Variants in RNF7 observed in about 807,000 individuals in gnomAD.
The protein encoded by RNF7 is RING-box protein 2.
In RNF7, 9 loss-of-function variants were observed where a neutral mutation model predicts 17.0. The ratio of observed to expected loss-of-function variants is 0.53; its 90% CI spans 0.32 to 0.92. The LOEUF (loss-of-function observed/expected upper bound fraction) is 0.92. Ranked by LOEUF, RNF7 falls within the 40% of genes least tolerant of loss-of-function variation. RNF7 has a pLI of 0.04. For missense variants in RNF7, 87 were observed against 145.8 expected (o/e 0.60, Z 2.08); for synonymous variants, 59 against 50.5 (o/e 1.17, Z -0.72).
chr3:141,745,288 A>G lies in RNF7; in HGVS notation c.*11A>G. 4 of 1,579,178 alleles carry G rather than the reference A, an allele frequency of 2.5e-6. No homozygotes were observed. The highest frequency in any genetic ancestry group is 2.2e-5 in the East Asian group (1 of 44,610). Reference sequence around the variant, plus strand: ...AGAATCGGCAAATGAGAGTGGTTAGAAGGCTTCTTAGCGCAGTTGTTCAGA... The same window carrying G: ...AGAATCGGCAAATGAGAGTGGTTAGGAGGCTTCTTAGCGCAGTTGTTCAGA... On this transcript the variant is annotated 3_prime_UTR_variant, in exon 3 of 3. Coordinates refer to ENST00000273480, the MANE Select transcript of RNF7 (RefSeq NM_014245.5).
rs1000438092 is a variant in RNF7, at chr3:141,747,395, T to C, written c.*2118T>C. On this transcript the variant is annotated 3_prime_UTR_variant, in exon 3 of 3. Coordinates refer to ENST00000273480, the MANE Select transcript of RNF7 (RefSeq NM_014245.5). Reference sequence around the variant, plus strand: ...TGTTGCATTAGAAACAAACAAGTTATCTTTCGCTATTTAATTTTCCCTCTA... The same window carrying C: ...TGTTGCATTAGAAACAAACAAGTTACCTTTCGCTATTTAATTTTCCCTCTA... 1.3e-5 allele frequency: 2 copies of C among 152,248 alleles called. No individual in the cohort carries two copies. The highest frequency in any genetic ancestry group is 2.9e-5 in the Non-Finnish European group (2 of 68,052). 9.4% of individuals were successfully genotyped at this position (152,248 alleles called of 1,614,324 possible). A position where few individuals can be genotyped will look rare whatever the true frequency, so the allele number is the denominator to read the frequency against.
chr3:141,743,373 A>G, intron 1 of RNF7, 136 bp from the exon 2 acceptor site: 1 of 589,826 alleles, frequency 1.7e-6, no homozygotes, highest in East Asian at 2.8e-5. Context: ...TTAAGTAGTT[A>G]TGTTCAGATG....
chr3:141,742,501 C>G, intron 1 of RNF7: 1 of 623,664 alleles, frequency 1.6e-6, no homozygotes, highest in South Asian at 1.8e-5. Context: ...GCTGGGATTA[C>G]AGGCGAGCAT....
chr3:141,743,058 C>T (rs2084437445), intron 1 of RNF7: 2 of 284,390 alleles, frequency 7.0e-6, no homozygotes, highest in Non-Finnish European at 1.1e-5. Context: ...CAAACCCTCC[C>T]AGTAAACTTT....
intron 1 of RNF7, chr3:141,742,837 C>T (rs957969916): frequency 8.6e-7 from 1 of 1,168,246 alleles, no homozygotes; most frequent in African/African-American, 1.7e-5. Context: ...TTTAGAGGAA[C>T]TCTCAAGTGT....
chr3:141,746,653 ATG>A lies in RNF7; in HGVS notation c.*1377_*1378del, dbSNP rs1248399976. Reference sequence around the variant, plus strand: ...TTCTTCTGTAGTAGAGGCTACTGATATGAATTTAAGAAAAAACCTTAGAATCT... The same window carrying A: ...TTCTTCTGTAGTAGAGGCTACTGATAAATTTAAGAAAAAACCTTAGAATCT... On this transcript the variant is annotated 3_prime_UTR_variant, in exon 3 of 3. Coordinates refer to ENST00000273480, the MANE Select transcript of RNF7 (RefSeq NM_014245.5). 1.3e-5 allele frequency: 2 copies of A among 152,198 alleles called. No individual in the cohort carries two copies. The highest frequency in any genetic ancestry group is 4.8e-5 in the African/African-American group (2 of 41,426). The allele number at this position is 152,198 out of a possible 1,614,324, so 9.4% of individuals were successfully genotyped here.
Position 141,738,341 on chromosome 3 carries a change from C to T in RNF7, c.-1C>T. On this transcript the variant is annotated 5_prime_UTR_variant, in exon 1 of 3. Coordinates refer to ENST00000273480, the MANE Select transcript of RNF7 (RefSeq NM_014245.5). ...TCCGCCGTCGGCTCCGCGGCGCCGC[C>T]ATGGCCGACGTGGAAGACGGAGAGG... 6.4e-7 allele frequency: 1 copy of T among 1,565,522 alleles called. No individual in the cohort carries two copies. The highest frequency in any genetic ancestry group is 8.7e-7 in the Non-Finnish European group (1 of 1,155,482).
At position 141,746,050 on chromosome 3, in the gene RNF7, C is replaced by T. The variant is rs1403373757; in HGVS notation, c.*773C>T. 6.6e-6 allele frequency: 1 copy of T among 150,478 alleles called. No homozygotes were observed. The highest frequency in any genetic ancestry group is 2.5e-5 in the African/African-American group (1 of 40,680). 9.3% of individuals were successfully genotyped at this position (150,478 alleles called of 1,614,324 possible). ...GGAGTGCAGTGGCATGATGTCAACT[C>T]ACTGCAACCTCCGCCTCCCGGGTTC... On this transcript the variant is annotated 3_prime_UTR_variant, in exon 3 of 3. Coordinates refer to ENST00000273480, the MANE Select transcript of RNF7 (RefSeq NM_014245.5).
chr3:141,742,241 T>G (rs2084426285), intron 1 of RNF7, among the ~76,000 whole-genome samples: 1 of 149,806 alleles, frequency 6.7e-6, no homozygotes, highest in Admixed American at 6.6e-5. Flanking sequence ...TTTTTTTTTT[T>G]TTTGAGACGG....
At chr3:141,738,772 G>A (rs1031208596) in intron 1 of RNF7, among the ~76,000 whole-genome samples, 2 of 152,276 alleles carry the variant, frequency 1.3e-5, no homozygotes, top group Non-Finnish European at 2.9e-5. Flanking sequence ...TCTAGGGAGA[G>A]AGACGGGCAA....
intron 1 of RNF7, among the ~76,000 whole-genome samples, chr3:141,741,162 C>G (rs2107855581): frequency 6.6e-6 from 1 of 152,314 alleles, no homozygotes; most frequent in African/African-American, 2.4e-5. Flanking sequence ...CAGTTGGGAT[C>G]ACCAACCTTA....
chr3:141,743,339 G>A (rs1262025460), intron 1 of RNF7, among the ~76,000 whole-genome samples, 170 bp from the exon 2 acceptor site: 2 of 152,130 alleles, frequency 1.3e-5, no homozygotes, highest in Non-Finnish European at 1.5e-5. Flanking sequence ...ATAATTAGTA[G>A]AATGCCTTGT....
chr3:141,741,990 T>C (rs1046927589), intron 1 of RNF7, among the ~76,000 whole-genome samples: 1 of 151,916 alleles, frequency 6.6e-6, no homozygotes, highest in Non-Finnish European at 1.5e-5. Flanking sequence ...TTCTTTCTTT[T>C]TTTTTTTAAA....
intron 1 of RNF7, 98 bp downstream of exon 1, chr3:141,738,614 G>T (rs2084382622): frequency 2.3e-6 from 3 of 1,298,526 alleles, no homozygotes; most frequent in African/African-American, 3.1e-5. Context: ...CTCGGAAAGT[G>T]CCCTGCCTGG....
rs113738510 is a variant in RNF7, at chr3:141,740,204, T to G, written c.175+1688T>G. ...TTTTTAAGACAAGTTTCGCTAAACA[T>G]TTTATCTCCTAAATAAATTTCCTTT... On this transcript the variant is annotated intron_variant, in intron 1 of 2. Transcript: ENST00000273480. Among the ~76,000 whole-genome samples, 296 of 151,814 alleles carry G rather than the reference T, an allele frequency of 1.9e-3. 2 individuals are homozygous for G. Among genetic ancestry groups the G allele is most frequent in the Non-Finnish European group, 3.4e-3 (233 of 67,952 alleles).
intron 1 of RNF7, among the ~76,000 whole-genome samples, 153 bp downstream of exon 1, chr3:141,738,669 G>C (rs2084383557): frequency 6.7e-6 from 1 of 149,530 alleles, no homozygotes; most frequent in Non-Finnish European, 1.5e-5. Flanking sequence ...GAGGAACGCG[G>C]AGCCACGCTC....
rs1577902584 is a variant in RNF7, at chr3:141,746,941, T to G, written c.*1664T>G. 1 of 152,248 alleles carries G rather than the reference T, an allele frequency of 6.6e-6. No homozygotes were observed. Among genetic ancestry groups the G allele is most frequent in the African/African-American group, 2.4e-5 (1 of 41,470 alleles). The allele number at this position is 152,248 out of a possible 1,614,324, so 9.4% of individuals were successfully genotyped here. On this transcript the variant is annotated 3_prime_UTR_variant, in exon 3 of 3. Transcript: ENST00000273480. ...GTTTATCATTGTGCAGTGAACTGTT[T>G]TAGTAACTTTCTGTTTGACCTTTTT...
chr3:141,743,160 AAAT>A (rs1403617654), intron 1 of RNF7: 1 of 209,642 alleles, frequency 4.8e-6, no homozygotes, highest in Non-Finnish European at 9.5e-6. Context: ...GGTGTCTTGA[AAAT>A]AAACTGTCCA....
rs1174515788 is a variant in RNF7 at position 141,746,337 on chromosome 3, T to C, written c.*1060T>C. 6.6e-6 allele frequency: 1 copy of C among 152,196 alleles called. No homozygotes were observed. The highest frequency in any genetic ancestry group is 1.5e-5 in the Non-Finnish European group (1 of 68,034). The allele number at this position is 152,196 out of a possible 1,614,324, so 9.4% of individuals were successfully genotyped here. A position where few individuals can be genotyped will look rare whatever the true frequency, so the allele number is the denominator to read the frequency against. On this transcript the variant is annotated 3_prime_UTR_variant, in exon 3 of 3. Transcript: ENST00000273480. The stretch of plus-strand genomic sequence containing the variant: ...GTTAATGAGGGAAAATGTTTACCAG[T>C]GTAGCATTGGATCAAAAAGTTTATC...
Sources: allele counts gnomAD v4.1 joint callset (sites outside exome capture counted in the v4.1 genomes callset), GRCh38; gene constraint gnomAD v4.1.1; transcripts MANE v1.5; gene names NCBI Gene and HGNC (gene_info 2026-07-23, HGNC 2026-07-21).